Variants in PDE4D observed in about 807,000 individuals in gnomAD.
The protein encoded by PDE4D is phosphodiesterase 4D.
In PDE4D, 24 loss-of-function variants were observed where a neutral mutation model predicts 87.4. The observed-to-expected ratio is 0.27, with a 90% confidence interval of 0.20 to 0.39. The LOEUF (loss-of-function observed/expected upper bound fraction) is 0.39. Ranked by LOEUF, PDE4D falls within the 10% of genes least tolerant of loss-of-function variation. The probability of loss-of-function intolerance (pLI) is 1.00; values close to 1 mark genes in which losing one functional copy is unlikely to be tolerated. For missense variants in PDE4D, 714 were observed against 1,041.0 expected, an observed-to-expected ratio of 0.69 and a Z score of 4.32; for synonymous variants, 384 against 383.2, an observed-to-expected ratio of 1.00 and a Z score of -0.02.
chr5:59,538,665 C>T lies in PDE4D; in HGVS notation c.456-322697G>A, dbSNP rs1244693078. On this transcript the variant is annotated intron_variant, in intron 1 of 14. Coordinates refer to ENST00000340635, the MANE Select transcript of PDE4D (RefSeq NM_001104631.2). ...CCTTCAGCACTGTCCTTCCCCAATA[C>T]ACTCTCTACAGCACAGCCAAATACT... is the stretch of plus-strand genomic sequence containing the variant. 3.3e-5 allele frequency among the ~76,000 whole-genome samples: 5 copies of T among 152,294 alleles called. No individual in the cohort carries two copies. The East Asian group carries it at 9.6e-4, about 29-fold the overall frequency.
intron 1 of PDE4D, among the ~76,000 whole-genome samples, chr5:59,438,141 A>T (rs2153634796): frequency 6.6e-6 from 1 of 152,274 alleles, no homozygotes; most frequent in South Asian, 2.1e-4. Context: ...ATAAAATTGG[A>T]ACTATAGGAA....
intron 1 of PDE4D, among the ~76,000 whole-genome samples, chr5:59,363,938 T>C (rs1440673828): frequency 6.6e-6 from 1 of 152,188 alleles, no homozygotes; most frequent in African/African-American, 2.4e-5. Flanking sequence ...TTTGTATGCA[T>C]TGTGCACTGC....
intron 1 of PDE4D, among the ~76,000 whole-genome samples, chr5:60,373,838 AG>A (rs1199982391): frequency 6.6e-6 from 1 of 152,104 alleles, no homozygotes; most frequent in African/African-American, 2.4e-5. Flanking sequence ...CTGTCTTCAA[AG>A]CCAGCAATGA....
intron 1 of PDE4D, among the ~76,000 whole-genome samples, chr5:59,298,113 C>CTTTTTT (rs759820053): frequency 7.1e-5 from 8 of 113,010 alleles, no homozygotes; most frequent in Non-Finnish European, 1.3e-4. Context: ...ACAAGTGAAA[C>CTTTTTT]TTTTTTTTTT....
At position 60,306,699 on chromosome 5, in the gene PDE4D, A is replaced by G. The variant is rs760060565; in HGVS notation, c.-89-121012T>C. ...CAAGATTAAAAATATACAAAAGAAT[A>G]CCATATACAATCCTATTCTGATTAA... On this transcript the variant is annotated intron_variant, in intron 1 of 16. Transcript: ENST00000502484. 2.6e-5 allele frequency among the ~76,000 whole-genome samples: 4 copies of G among 152,238 alleles called. No individual in the cohort carries two copies. In the East Asian group the frequency reaches 7.7e-4, roughly 29 times the overall value.
At chr5:59,526,800 AT>A (rs1204493954) in intron 1 of PDE4D, among the ~76,000 whole-genome samples, 1 of 151,562 alleles carries the variant, frequency 6.6e-6, no homozygotes, top group Non-Finnish European at 1.5e-5. Context: ...TTTTTTTTGT[AT>A]TTTTTGTACA....
At position 59,768,035 on chromosome 5, in the gene PDE4D, C is replaced by T. The variant is rs142736197; in HGVS notation, c.455+125133G>A. On this transcript the variant is annotated intron_variant, in intron 1 of 14. Transcript: ENST00000340635. The stretch of plus-strand genomic sequence containing the variant: ...AATAGGAATTGAACTTTGAGAACCA[C>T]CCACCTCAACCACTCCTAGTACCAG... Among the ~76,000 whole-genome samples the T allele has an allele frequency of 2.0e-5, 3 of 152,276 alleles. No individual in the cohort carries two copies. The East Asian group carries it at 5.8e-4, about 29-fold the overall frequency.
At chr5:60,158,105 ATACATATTAAG>A (rs1253014160) in intron 2 of PDE4D, among the ~76,000 whole-genome samples, 6 of 152,304 alleles carry the variant, frequency 3.9e-5, no homozygotes, top group South Asian at 2.1e-4. Flanking sequence ...TTGGTACCTA[ATACATATTAAG>A]TACAGTCATG....
chr5:59,936,559 T>C (rs1756601878), intron 3 of PDE4D, among the ~76,000 whole-genome samples: 1 of 152,192 alleles, frequency 6.6e-6, no homozygotes, highest in Admixed American at 6.5e-5. Context: ...GTCTATAGAT[T>C]CCTGCCTTCA....
chr5:59,660,792 T>C (rs1051136085), intron 1 of PDE4D, among the ~76,000 whole-genome samples: 6 of 152,142 alleles, frequency 3.9e-5, no homozygotes, highest in Non-Finnish European at 5.9e-5. Flanking sequence ...GTCATATGAA[T>C]AGGATAAAAG....
intron 1 of PDE4D, among the ~76,000 whole-genome samples, chr5:59,227,236 G>T (rs1434277496): frequency 1.1e-4 from 17 of 152,082 alleles, no homozygotes; most frequent in Non-Finnish European, 5.9e-5. Flanking sequence ...ACAAAGTGGG[G>T]CTCAAGATGG....
chr5:59,681,196 A>C (rs1262500866), intron 1 of PDE4D, among the ~76,000 whole-genome samples: 2 of 152,196 alleles, frequency 1.3e-5, no homozygotes, highest in African/African-American at 4.8e-5. Flanking sequence ...TCAAAGAATG[A>C]TAGTAACGTG....
At chr5:59,412,911 A>C (rs1342053198) in intron 1 of PDE4D, among the ~76,000 whole-genome samples, 1 of 152,170 alleles carries the variant, frequency 6.6e-6, no homozygotes, top group Non-Finnish European at 1.5e-5. Flanking sequence ...TGTTTTTCTT[A>C]GGCAGTTTTC....
At chr5:59,945,349 GT>G (rs1243789999) in intron 3 of PDE4D, among the ~76,000 whole-genome samples, 1 of 152,138 alleles carries the variant, frequency 6.6e-6, no homozygotes, top group African/African-American at 2.4e-5. Flanking sequence ...TGAAAAACCA[GT>G]AAAAATCTAC....
intron 1 of PDE4D, among the ~76,000 whole-genome samples, chr5:59,511,913 C>A (rs565426580): frequency 6.9e-4 from 105 of 152,176 alleles, no homozygotes; most frequent in Non-Finnish European, 8.8e-4. Context: ...GGATTCAGCA[C>A]TATATGATAC....
At chr5:58,986,551 A>G (rs1003204562) in intron 11 of PDE4D, among the ~76,000 whole-genome samples, 3 of 152,166 alleles carry the variant, frequency 2.0e-5, no homozygotes, top group African/African-American at 7.2e-5. Flanking sequence ...GGGACATTAG[A>G]TTCTCCTAGG....
chr5:59,961,627 A>C (rs187451885), intron 3 of PDE4D, among the ~76,000 whole-genome samples: 14 of 152,326 alleles, frequency 9.2e-5, no homozygotes, highest in Non-Finnish European at 1.9e-4. Context: ...AGAGATAAAC[A>C]ATAAATAAAT....
chr5:60,024,197 C>T (rs1266407318), intron 2 of PDE4D, among the ~76,000 whole-genome samples: 1 of 152,180 alleles, frequency 6.6e-6, no homozygotes, highest in Non-Finnish European at 1.5e-5. Flanking sequence ...ATTTATAAAA[C>T]AGTGTGTCTT....
rs561147674 is a variant in PDE4D at position 59,560,297 on chromosome 5, C to G, written c.455+332871G>C. On this transcript the variant is annotated intron_variant, in intron 1 of 14. Transcript: ENST00000340635. ...TTAAACCTTTATTATGAACCCACTA[C>G]ACGCATTATCTGTTTTATGTCTTAT... Among the ~76,000 whole-genome samples the G allele has an allele frequency of 3.1e-4, 47 of 152,264 alleles. No individual in the cohort carries two copies. The South Asian group carries it at 9.3e-3, about 30-fold the overall frequency.
Sources: allele counts gnomAD v4.1 joint callset (sites outside exome capture counted in the v4.1 genomes callset), GRCh38; gene constraint gnomAD v4.1.1; transcripts MANE v1.5; gene names NCBI Gene and HGNC (gene_info 2026-07-23, HGNC 2026-07-21).